NOTCH2: variants seen among roughly 807,000 people sequenced by gnomAD.
NOTCH2 encodes neurogenic locus notch homolog protein 2.
In NOTCH2, 29 loss-of-function variants were observed where a neutral mutation model predicts 235.8. The observed-to-expected ratio is 0.12, with a 90% confidence interval of 0.09 to 0.17. The LOEUF (loss-of-function observed/expected upper bound fraction) is 0.17, where lower values mean the gene tolerates loss of function less well. Ranked by LOEUF, NOTCH2 falls within the 10% of genes least tolerant of loss-of-function variation. The pLI is 1.00. For synonymous variants in NOTCH2, 1,086 were observed against 1,141.5 expected (o/e 0.95, Z 0.98); for missense variants, 2,285 against 3,150.2 (o/e 0.73, Z 6.57).
intron 10 of NOTCH2, among the ~76,000 whole-genome samples, chr1:119,964,522 A>C (rs1227761722): frequency 6.6e-6 from 1 of 152,218 alleles, no homozygotes; most frequent in Middle Eastern, 3.2e-3. Context: ...TTCTCTGACA[A>C]GCATTAACTA....
chr1:119,966,817 C>T (rs1651156378), intron 8 of NOTCH2, among the ~76,000 whole-genome samples: 1 of 152,222 alleles, frequency 6.6e-6, no homozygotes, highest in Non-Finnish European at 1.5e-5. Flanking sequence ...TGTCCCCACT[C>T]TATGTTCCTA....
At chr1:119,917,818 C>A in intron 32 of NOTCH2, 56 bp from the exon 33 acceptor site, 1 of 1,042,342 alleles carries the variant, frequency 9.6e-7, no homozygotes, top group South Asian at 1.3e-5. Flanking sequence ...GTATAAGACA[C>A]TATGACTTGC....
At chr1:120,010,059 ACTT>A (rs1653124715) in intron 2 of NOTCH2, among the ~76,000 whole-genome samples, 1 of 152,194 alleles carries the variant, frequency 6.6e-6, no homozygotes, top group Non-Finnish European at 1.5e-5. Context: ...TTCCCAAGAA[ACTT>A]TAATTATTCA....
chr1:119,987,181 ATGAC>A, intron 4 of NOTCH2, 99 bp from the exon 5 acceptor site: 1 of 1,421,460 alleles, frequency 7.0e-7, no homozygotes, highest in Non-Finnish European at 9.8e-7. Context: ...GACCCGCTTC[ATGAC>A]TTCAGTTCAA....
intron 29 of NOTCH2, 39 bp from the exon 30 acceptor site, chr1:119,920,436 C>T: frequency 7.5e-6 from 12 of 1,609,984 alleles, no homozygotes; most frequent in Non-Finnish European, 1.0e-5. Context: ...AATCTGGCCA[C>T]CACCAGAAAC....
At chr1:120,015,020 A>G (rs1553207700) in intron 2 of NOTCH2, among the ~76,000 whole-genome samples, 1 of 145,212 alleles carries the variant, frequency 6.9e-6, no homozygotes, top group Admixed American at 6.9e-5. Context: ...AAAAACGAGG[A>G]TTTGGCCATT....
At position 119,962,285 on chromosome 1, in the gene NOTCH2, T is replaced by C. The variant is rs78568528; in HGVS notation, c.1915+1289A>G. Among the ~76,000 whole-genome samples the C allele has an allele frequency of 8.0e-3, 1,220 of 152,312 alleles. 17 individuals carry two copies. Among genetic ancestry groups the C allele is most frequent in the African/African-American group, 0.027 (1,103 of 41,560 alleles). On this transcript the variant is annotated intron_variant, in intron 11 of 33. Coordinates refer to ENST00000256646, the MANE Select transcript of NOTCH2 (RefSeq NM_024408.4). ...AGTATGTTTATTATGATGGGAATGATAGCAAAGTCTAAAGCCCCTCGATTC... is the reference window on the plus strand; with the variant it reads ...AGTATGTTTATTATGATGGGAATGACAGCAAAGTCTAAAGCCCCTCGATTC...
At chr1:119,979,173 G>A (rs991504604) in intron 5 of NOTCH2, among the ~76,000 whole-genome samples, 3 of 152,192 alleles carry the variant, frequency 2.0e-5, no homozygotes, top group Admixed American at 1.3e-4. Flanking sequence ...ATATAAGTCA[G>A]TGTTATAAAG....
At chr1:120,037,724 T>C (rs1436692177) in intron 1 of NOTCH2, among the ~76,000 whole-genome samples, 1 of 151,740 alleles carries the variant, frequency 6.6e-6, no homozygotes, top group Non-Finnish European at 1.5e-5. Context: ...TTTGTTTTCC[T>C]AATAGTGTTC....
intron 5 of NOTCH2, among the ~76,000 whole-genome samples, chr1:119,980,093 AG>A (rs1651756270): frequency 6.6e-6 from 1 of 152,140 alleles, no homozygotes. Flanking sequence ...AGGACCAGTA[AG>A]GTCATCTGAG....
chr1:119,988,825 G>T (rs587738111), intron 4 of NOTCH2, among the ~76,000 whole-genome samples: 2 of 152,294 alleles, frequency 1.3e-5, no homozygotes, highest in South Asian at 4.1e-4. Flanking sequence ...GTTGACTAGG[G>T]TGTCAGGGAG....
At position 119,953,555 on chromosome 1, in the gene NOTCH2, T is replaced by C. The variant is rs781890136; in HGVS notation, c.2353A>G (p.Lys785Glu). Residue 785 changes from lysine to glutamate, a missense_variant, in exon 14 of 34, where the codon AAG becomes GAG. By Grantham distance (56) the Lys-to-Glu change is moderately conservative. Around this residue, in one of 6 missense-constraint regions of NOTCH2, gnomAD observed 1,173 missense variants for 1,515.3 expected, o/e 0.77. Transcript: ENST00000256646. ...CTTTTGTTTTCACCTTTAAAGCCCT[T>C]CTTGCAAGTACACCTGTATCCATTC... ...LVNGYRCTCKKGFKGYNCQVN... is the reference protein window; with the variant it reads ...LVNGYRCTCKEGFKGYNCQVN... The C allele has an allele frequency of 6.2e-7, 1 of 1,614,164 alleles. No homozygotes were observed. Among genetic ancestry groups the C allele is most frequent in the Non-Finnish European group, 8.5e-7 (1 of 1,180,016 alleles).
chr1:119,915,078 T>G lies in NOTCH2; in HGVS notation c.*228A>C. The G allele has an allele frequency of 1.7e-6, 1 of 577,102 alleles. No individual in the cohort carries two copies. The highest frequency in any genetic ancestry group is 3.1e-6 in the Non-Finnish European group (1 of 322,790). The allele number at this position is 577,102 out of a possible 1,614,324, so 35.7% of individuals were successfully genotyped here. A position where few individuals can be genotyped will look rare whatever the true frequency, so the allele number is the denominator to read the frequency against. Reference sequence around the variant, plus strand: ...ACCCAAGGCTTGTATTCATCTTGCATTTCCACAAACTTGTCTTATTAGATT... The same window carrying G: ...ACCCAAGGCTTGTATTCATCTTGCAGTTCCACAAACTTGTCTTATTAGATT... On this transcript the variant is annotated 3_prime_UTR_variant, in exon 34 of 34. Coordinates refer to ENST00000256646, the MANE Select transcript of NOTCH2 (RefSeq NM_024408.4).
At chr1:120,000,083 TATGTATAGGC>T (rs1277174504) in intron 3 of NOTCH2, among the ~76,000 whole-genome samples, 17 of 151,914 alleles carry the variant, frequency 1.1e-4, no homozygotes, top group Non-Finnish European at 2.4e-4. Flanking sequence ...CCATATATAT[TATGTATAGGC>T]ACTAACTTGC....
chr1:119,968,257 A>C (rs782385457), intron 6 of NOTCH2, 25 bp from the exon 7 acceptor site: 1 of 1,611,974 alleles, frequency 6.2e-7, no homozygotes, highest in South Asian at 1.1e-5. Context: ...GGCAAAGGAC[A>C]ACTAAGAGAA....
At chr1:119,999,970 A>AGAAG (rs1652670718) in intron 3 of NOTCH2, among the ~76,000 whole-genome samples, 1 of 98,670 alleles carries the variant, frequency 1.0e-5, no homozygotes, top group Non-Finnish European at 1.9e-5. Flanking sequence ...AAAGAAAGAA[A>AGAAG]GAAAGAAAGG....
chr1:119,914,481 T>C lies in NOTCH2; in HGVS notation c.*825A>G, dbSNP rs925661924. 1.2e-4 allele frequency: 27 copies of C among 233,154 alleles called. No individual in the cohort carries two copies. In the Admixed American group the frequency reaches 1.5e-3, roughly 13 times the overall value. The allele number at this position is 233,154 out of a possible 1,614,324, so 14.4% of individuals were successfully genotyped here. A position where few individuals can be genotyped will look rare whatever the true frequency, so the allele number is the denominator to read the frequency against. On this transcript the variant is annotated 3_prime_UTR_variant, in exon 34 of 34. Coordinates refer to ENST00000256646, the MANE Select transcript of NOTCH2 (RefSeq NM_024408.4). ...ACTCACACCCTTCTTCCTGGTAAAG[T>C]TTATATGAAGACCTGCACACAGACA... is the stretch of plus-strand genomic sequence containing the variant.
chr1:119,970,149 G>A (rs1397509280), intron 5 of NOTCH2, among the ~76,000 whole-genome samples: 2 of 152,050 alleles, frequency 1.3e-5, no homozygotes, highest in African/African-American at 4.8e-5. Flanking sequence ...TAGGGTAACT[G>A]TTCTATATCT....
In NOTCH2 at chr1:119,911,978, T is replaced by C. The variant is rs1488822640; in HGVS notation, c.*3328A>G. On this transcript the variant is annotated 3_prime_UTR_variant, in exon 34 of 34. Coordinates refer to ENST00000256646, the MANE Select transcript of NOTCH2 (RefSeq NM_024408.4). ...CAGAAAGAAAAGAAAATTTGCTCTC[T>C]CAGCAAATTATGACATCATGAGGTA... 4.3e-6 allele frequency: 1 copy of C among 233,374 alleles called. No homozygotes were observed. The highest frequency in any genetic ancestry group is 2.2e-5 in the African/African-American group (1 of 45,346). 14.5% of individuals were successfully genotyped at this position (233,374 alleles called of 1,614,324 possible).
Sources: allele counts gnomAD v4.1 joint callset (sites outside exome capture counted in the v4.1 genomes callset), GRCh38; gene constraint gnomAD v4.1.1; regional missense constraint gnomAD v4.1.1; transcripts MANE v1.5; gene names NCBI Gene and HGNC (gene_info 2026-07-23, HGNC 2026-07-21).